GNS: variants seen among roughly 807,000 people sequenced by gnomAD.
GNS encodes the protein glucosamine (N-acetyl)-6-sulfatase.
Under a neutral mutation model 69.7 loss-of-function variants are expected in GNS, and 40 were observed. That is an observed-to-expected ratio of 0.57 (90% CI 0.45 to 0.75). The LOEUF is 0.75. Among genes scored for constraint, GNS ranks in the 30% least tolerant of loss-of-function variants. GNS has a pLI of 0.00. For synonymous variants in GNS, 243 were observed against 251.6 expected (o/e 0.97, Z 0.32); for missense variants, 565 against 685.5 (o/e 0.82, Z 1.96).
chr12:64,732,173 T>TTTTTTTC (rs1869420154), intron 9 of GNS, among the ~76,000 whole-genome samples: 1 of 112,364 alleles, frequency 8.9e-6, no homozygotes, highest in Non-Finnish European at 1.9e-5. Flanking sequence ...TTTGTTGTTT[T>TTTTTTTC]TTTTTTTTTT....
chr12:64,722,394 G>A (rs1025958814), intron 11 of GNS, among the ~76,000 whole-genome samples: 2 of 152,184 alleles, frequency 1.3e-5, no homozygotes, highest in African/African-American at 4.8e-5. Flanking sequence ...TGAGTTTTGT[G>A]GAGTCATGTG....
chr12:64,716,797 T>C lies in GNS; in HGVS notation c.1603A>G (p.Met535Val), dbSNP rs1320846022. 18 of 1,612,998 alleles carry C rather than the reference T, an allele frequency of 1.1e-5. No homozygotes were observed. The highest frequency in any genetic ancestry group is 9.9e-5 in the South Asian group (9 of 91,066). The part of the protein sequence containing the change: ...DPGYRFDPRL[M>V]FSNRGSVRTR... Reference sequence around the variant, plus strand: ...CTGACACTGCCGCGATTGCTGAACATGAGACGGGGGTCAAACCTGTATCTG... The same window carrying C: ...CTGACACTGCCGCGATTGCTGAACACGAGACGGGGGTCAAACCTGTATCTG... Residue 535 changes from methionine to valine, a missense_variant, in exon 14 of 14, where the codon ATG (methionine) becomes GTG (valine). This residue lies in a region of GNS where 384 missense variants were observed against 511.0 expected (regional missense o/e 0.75). Transcript: ENST00000258145.
At chr12:64,743,116 GA>G in intron 6 of GNS, 24 bp downstream of exon 6, 1 of 1,563,468 alleles carries the variant, frequency 6.4e-7, no homozygotes, top group Non-Finnish European at 8.8e-7. Flanking sequence ...TAGTATGGCT[GA>G]ATACAAGTGG....
chr12:64,741,341 A>C (rs1000411804), intron 6 of GNS, among the ~76,000 whole-genome samples: 2 of 151,822 alleles, frequency 1.3e-5, no homozygotes, highest in Admixed American at 6.6e-5. Flanking sequence ...GCTGGAGTAC[A>C]GTGGCACGAT....
At chr12:64,752,887 A>G in intron 1 of GNS, 130 bp from the exon 2 acceptor site, 1 of 687,580 alleles carries the variant, frequency 1.5e-6, no homozygotes, top group South Asian at 1.6e-5. Flanking sequence ...GCAACAGCCA[A>G]AGAGAGTCTT....
At chr12:64,754,914 AT>A (rs1309380159) in intron 1 of GNS, among the ~76,000 whole-genome samples, 1 of 151,766 alleles carries the variant, frequency 6.6e-6, no homozygotes, top group East Asian at 1.9e-4. Context: ...AGAAGTTTTT[AT>A]TAACTGCCAT....
chr12:64,734,098 A>G lies in GNS; in HGVS notation c.1098+2906T>C, dbSNP rs369629782. Among the ~76,000 whole-genome samples, 35 of 152,240 alleles carry G rather than the reference A, an allele frequency of 2.3e-4. No individual in the cohort carries two copies. The South Asian group carries it at 5.8e-3, about 25-fold the overall frequency. ...GCTGCCAACACATGATGCATCACCC[A>G]TCGTCTCCGACATTCTTTGTGCCAG... On this transcript the variant is annotated intron_variant, in intron 9 of 13. Transcript: ENST00000258145.
intron 2 of GNS, among the ~76,000 whole-genome samples, chr12:64,748,735 C>A (rs2136250376): frequency 6.6e-6 from 1 of 152,130 alleles, no homozygotes; most frequent in Non-Finnish European, 1.5e-5. Flanking sequence ...CCCATTCTAC[C>A]CAATCATATT....
intron 12 of GNS, among the ~76,000 whole-genome samples, chr12:64,720,877 ATAAAG>A (rs977097640): frequency 6.7e-6 from 1 of 149,666 alleles, no homozygotes; most frequent in Admixed American, 6.8e-5. Context: ...ACAATCACTT[ATAAAG>A]TAGTTATCAA....
At chr12:64,745,873 G>A (rs1485913188) in intron 3 of GNS, 149 bp from the exon 4 acceptor site, 3 of 673,116 alleles carry the variant, frequency 4.5e-6, no homozygotes, top group African/African-American at 1.8e-5. Context: ...AAAAATAAAC[G>A]CTAATAATCC....
At chr12:64,734,554 G>A (rs1270639469) in intron 9 of GNS, among the ~76,000 whole-genome samples, 2 of 152,222 alleles carry the variant, frequency 1.3e-5, no homozygotes, top group Non-Finnish European at 2.9e-5. Context: ...AAAGCCAGGA[G>A]GTGACAGAGA....
In GNS at chr12:64,759,378, G is replaced by A. The variant is rs1870401504; in HGVS notation, c.-102C>T. 2.6e-6 allele frequency: 2 copies of A among 773,054 alleles called. No homozygotes were observed. Among genetic ancestry groups the A allele is most frequent in the Non-Finnish European group, 2.0e-6 (1 of 496,056 alleles). The allele number at this position is 773,054 out of a possible 1,614,324, so 47.9% of individuals were successfully genotyped here. A position where few individuals can be genotyped will look rare whatever the true frequency, so the allele number is the denominator to read the frequency against. ...ACCAGCCGAAGGAATAAAAAGCCGTGCCTTGAAGGCCGGTGGCTGGAGTCA... is the reference window on the plus strand; with the variant it reads ...ACCAGCCGAAGGAATAAAAAGCCGTACCTTGAAGGCCGGTGGCTGGAGTCA... On this transcript the variant is annotated 5_prime_UTR_variant, in exon 1 of 14. Coordinates refer to ENST00000258145, the MANE Select transcript of GNS (RefSeq NM_002076.4).
chr12:64,733,406 T>G (rs969963138), intron 9 of GNS, among the ~76,000 whole-genome samples: 68 of 151,364 alleles, frequency 4.5e-4, no homozygotes, highest in Admixed American at 4.6e-4. Context: ...CTTGCATAAT[T>G]ACTGAAAAGA....
At chr12:64,725,995 C>CAAAAAAAAA (rs34734900) in intron 10 of GNS, among the ~76,000 whole-genome samples, 2 of 49,216 alleles carry the variant, frequency 4.1e-5, no homozygotes, top group African/African-American at 8.1e-5. Flanking sequence ...GACTCTGTCT[C>CAAAAAAAAA]AAAAAAAAAA....
rs1868804651 is a variant in GNS, at chr12:64,714,606, C to A, written c.*2135G>T. The A allele has an allele frequency of 6.6e-6, 1 of 152,138 alleles. No individual in the cohort carries two copies. The highest frequency in any genetic ancestry group is 1.5e-5 in the Non-Finnish European group (1 of 68,036). 9.4% of individuals were successfully genotyped at this position (152,138 alleles called of 1,614,324 possible). A position where few individuals can be genotyped will look rare whatever the true frequency, so the allele number is the denominator to read the frequency against. Reference sequence around the variant, plus strand: ...ACCACATCCTACCACGCAAGCACACCCACTGAACTGAGTAAGAGTGGCGTG... The same window carrying A: ...ACCACATCCTACCACGCAAGCACACACACTGAACTGAGTAAGAGTGGCGTG... On this transcript the variant is annotated 3_prime_UTR_variant, in exon 14 of 14. Transcript: ENST00000258145.
At position 64,737,125 on chromosome 12, in the gene GNS, A is replaced by T. The variant is rs1869578496; in HGVS notation, c.995-18T>A. 5 of 1,259,546 alleles carry T rather than the reference A, an allele frequency of 4.0e-6. No individual in the cohort carries two copies. Among genetic ancestry groups the T allele is most frequent in the Non-Finnish European group, 5.8e-6 (5 of 856,110 alleles). 78.0% of individuals were successfully genotyped at this position (1,259,546 alleles called of 1,614,324 possible). ...AAACTGTCCTGAAAACAAAACACAC[A>T]ATGTAAAGATGGAGCCAAGACAGGA... On this transcript the variant is annotated intron_variant, in intron 8 of 13. Transcript: ENST00000258145.
At chr12:64,725,486 C>T (rs1869165490) in intron 10 of GNS, among the ~76,000 whole-genome samples, 2 of 152,184 alleles carry the variant, frequency 1.3e-5, no homozygotes, top group South Asian at 2.1e-4. Flanking sequence ...GCAGCTAGTG[C>T]AACCGAAGAA....
chr12:64,732,322 CACGCCCAGCTACTTTTTTT>C (rs1176119214), intron 9 of GNS, among the ~76,000 whole-genome samples: 4 of 151,656 alleles, frequency 2.6e-5, no homozygotes, highest in African/African-American at 9.7e-5. Flanking sequence ...CGCCTGCCAC[CACGCCCAGCTACTTTTTTT>C]GTATTTTCAG....
intron 9 of GNS, among the ~76,000 whole-genome samples, chr12:64,731,196 CAT>C (rs1332116396): frequency 6.6e-6 from 1 of 152,218 alleles, no homozygotes; most frequent in Non-Finnish European, 1.5e-5. Context: ...CCTGCCTCAG[CAT>C]CCAGAGCAAC....
Sources: gnomAD v4.1 joint callset for allele counts (sites outside exome capture counted in the v4.1 genomes callset) on GRCh38, gnomAD v4.1.1 for gene constraint, gnomAD v4.1.1 regional missense constraint, MANE v1.5 for transcripts, NCBI Gene and HGNC (gene_info 2026-07-23, HGNC 2026-07-21) for gene names.